The following PTPRT variants were observed in gnomAD, a reference collection of about 807,000 sequenced individuals.
PTPRT encodes protein tyrosine phosphatase receptor type T, also known as receptor-type tyrosine-protein phosphatase T.
Under a neutral mutation model 176.8 loss-of-function variants are expected in PTPRT, and 56 were observed. The ratio of observed to expected loss-of-function variants is 0.32; its 90% CI spans 0.26 to 0.40. PTPRT has a LOEUF of 0.40. Ranked by LOEUF, PTPRT falls within the 10% of genes least tolerant of loss-of-function variation. The pLI, the probability that PTPRT is intolerant of heterozygous loss-of-function variation, is 1.00. For synonymous variants in PTPRT, 783 were observed against 739.0 expected (o/e 1.06, Z -0.96); for missense variants, 1,540 against 1,908.2 (o/e 0.81, Z 3.60).
intron 9 of PTPRT, among the ~76,000 whole-genome samples, chr20:42,369,970 A>T (rs551783111): frequency 1.3e-5 from 2 of 152,274 alleles, no homozygotes; most frequent in African/African-American, 4.8e-5. Flanking sequence ...TTCCTCAGCA[A>T]AATGCCAAGA....
chr20:42,600,140 T>C (rs1163262980), intron 7 of PTPRT, among the ~76,000 whole-genome samples: 2 of 152,140 alleles, frequency 1.3e-5, no homozygotes, highest in Non-Finnish European at 2.9e-5. Flanking sequence ...TTGTTATTTT[T>C]TTGTTTTGTT....
intron 6 of PTPRT, among the ~76,000 whole-genome samples, chr20:42,702,279 T>C (rs2075984866): frequency 6.6e-6 from 1 of 152,160 alleles, no homozygotes; most frequent in East Asian, 1.9e-4. Context: ...TTGGGGTGTC[T>C]CCATGTTGTT....
At chr20:42,239,515 C>T (rs1199564630) in intron 14 of PTPRT, among the ~76,000 whole-genome samples, 3 of 150,578 alleles carry the variant, frequency 2.0e-5, no homozygotes, top group Non-Finnish European at 4.4e-5. Context: ...CTCCACCTCC[C>T]GGGTCCACGC....
intron 7 of PTPRT, among the ~76,000 whole-genome samples, chr20:42,551,176 GT>G (rs1216979487): frequency 6.6e-6 from 1 of 152,064 alleles, no homozygotes; most frequent in Non-Finnish European, 1.5e-5. Context: ...TAAGGGGTAT[GT>G]TTTATGGATT....
In PTPRT at chr20:42,959,453, C is replaced by A. The variant is rs202065732; in HGVS notation, c.89-73521G>T. On this transcript the variant is annotated intron_variant, in intron 1 of 30. Coordinates refer to ENST00000373187, the MANE Select transcript of PTPRT (RefSeq NM_007050.6). The stretch of plus-strand genomic sequence containing the variant: ...AGCTTCCTGTGCCAGGGACTGAGAC[C>A]CGTACTTCGGATGCATCATCTCATT... Among the ~76,000 whole-genome samples the A allele has an allele frequency of 3.9e-5, 6 of 152,218 alleles. No individual in the cohort carries two copies. The East Asian group carries it at 9.7e-4, about 24-fold the overall frequency.
chr20:43,087,095 G>T (rs2011628708), intron 1 of PTPRT, among the ~76,000 whole-genome samples: 1 of 152,134 alleles, frequency 6.6e-6, no homozygotes, highest in African/African-American at 2.4e-5. Context: ...TGGCAACCAT[G>T]AATCTAATTT....
chr20:42,319,445 T>C (rs1237503332), intron 11 of PTPRT, among the ~76,000 whole-genome samples: 2 of 152,132 alleles, frequency 1.3e-5, no homozygotes, highest in Non-Finnish European at 2.9e-5. Flanking sequence ...GCAGTCAACA[T>C]ATGGTTCACA....
chr20:42,275,842 T>C (rs2057019827), intron 13 of PTPRT, among the ~76,000 whole-genome samples: 1 of 152,174 alleles, frequency 6.6e-6, no homozygotes, highest in Non-Finnish European at 1.5e-5. Context: ...GAGAATTTGT[T>C]ACACTCATGT....
At chr20:43,085,822 T>A (rs1335585003) in intron 1 of PTPRT, among the ~76,000 whole-genome samples, 1 of 152,112 alleles carries the variant, frequency 6.6e-6, no homozygotes, top group Admixed American at 6.5e-5. Flanking sequence ...CCAAACCATA[T>A]CAGGCATCTT....
chr20:42,589,323 C>CT (rs965848866), intron 7 of PTPRT, among the ~76,000 whole-genome samples: 1 of 152,262 alleles, frequency 6.6e-6, no homozygotes, highest in East Asian at 1.9e-4. Context: ...TCCTTCAAAC[C>CT]TTTTTAGCTT....
intron 9 of PTPRT, among the ~76,000 whole-genome samples, chr20:42,370,209 A>G (rs1017335016): frequency 6.6e-6 from 1 of 152,204 alleles, no homozygotes; most frequent in African/African-American, 2.4e-5. Flanking sequence ...TTTCACTGCC[A>G]TGTAACTCCC....
chr20:43,182,518 G>A (rs2015284447), intron 1 of PTPRT, among the ~76,000 whole-genome samples: 1 of 151,940 alleles, frequency 6.6e-6, no homozygotes, highest in African/African-American at 2.4e-5. Context: ...AGCCACCCAA[G>A]TAGCTGGGAT....
chr20:42,709,156 C>G (rs1320790474), intron 6 of PTPRT, among the ~76,000 whole-genome samples: 3 of 152,224 alleles, frequency 2.0e-5, no homozygotes, highest in African/African-American at 7.2e-5. Flanking sequence ...AGGGCCAGTG[C>G]TCAGTTCCCC....
chr20:42,114,526 C>T (rs6016688), intron 22 of PTPRT, among the ~76,000 whole-genome samples: 27,159 of 152,112 alleles, frequency 0.18, 2,622 homozygotes, highest in Non-Finnish European at 0.22. Flanking sequence ...TTTTAATGTC[C>T]AGACCAGCAT....
intron 7 of PTPRT, among the ~76,000 whole-genome samples, chr20:42,616,137 G>A (rs1326970100): frequency 7.9e-6 from 1 of 126,214 alleles, no homozygotes; most frequent in South Asian, 2.4e-4. Context: ...AAGGGATCCA[G>A]TTTCAGCTTT....
chr20:42,375,460 G>C (rs901477314), intron 9 of PTPRT, among the ~76,000 whole-genome samples: 1 of 152,152 alleles, frequency 6.6e-6, no homozygotes, highest in African/African-American at 2.4e-5. Context: ...ACTAGCTTAG[G>C]CCCTTTTTTG....
intron 9 of PTPRT, among the ~76,000 whole-genome samples, chr20:42,366,792 G>A (rs1050971336): frequency 2.0e-5 from 3 of 152,202 alleles, no homozygotes; most frequent in Admixed American, 6.5e-5. Flanking sequence ...GATTGCGAAG[G>A]CTATAAACTT....
chr20:42,637,322 T>A (rs2074625076), intron 7 of PTPRT, among the ~76,000 whole-genome samples: 1 of 152,228 alleles, frequency 6.6e-6, no homozygotes, highest in Non-Finnish European at 1.5e-5. Context: ...CCAGCAAGGA[T>A]CTATGTGATC....
intron 7 of PTPRT, among the ~76,000 whole-genome samples, chr20:42,530,511 G>A (rs1461281385): frequency 1.3e-5 from 2 of 152,234 alleles, no homozygotes; most frequent in East Asian, 1.9e-4. Context: ...TGAAGACACC[G>A]TGGAAGGCTT....
Sources: allele counts gnomAD v4.1 joint callset (sites outside exome capture counted in the v4.1 genomes callset), GRCh38; gene constraint gnomAD v4.1.1; transcripts MANE v1.5; gene names NCBI Gene and HGNC (gene_info 2026-07-23, HGNC 2026-07-21).